CDH11: variants seen among roughly 807,000 people sequenced by gnomAD.
The protein encoded by CDH11 is cadherin-11.
Under a neutral mutation model 67.8 loss-of-function variants are expected in CDH11, and 11 were observed. The ratio of observed to expected loss-of-function variants is 0.16; its 90% confidence interval spans 0.10 to 0.27. The LOEUF (loss-of-function observed/expected upper bound fraction) is 0.27. CDH11 is among the 10% of genes least tolerant of loss of function. CDH11 has a pLI of 1.00. For missense variants in CDH11, 847 were observed against 1,031.2 expected, an observed-to-expected ratio of 0.82 and a Z score of 2.45; for synonymous variants, 419 against 400.0, an observed-to-expected ratio of 1.05 and a Z score of -0.57.
At chr16:65,098,366 T>C (rs969495870) in intron 1 of CDH11, among the ~76,000 whole-genome samples, 2 of 152,158 alleles carry the variant, frequency 1.3e-5, no homozygotes, top group Non-Finnish European at 2.9e-5. Flanking sequence ...TATTCAAATA[T>C]TACTCTAGCA....
intron 11 of CDH11, among the ~76,000 whole-genome samples, chr16:64,962,421 C>T (rs867852895): frequency 1.3e-5 from 2 of 152,092 alleles, no homozygotes; most frequent in African/African-American, 2.4e-5. Flanking sequence ...GAGAATCGAA[C>T]TTACTAGATT....
intron 1 of CDH11, among the ~76,000 whole-genome samples, chr16:65,057,995 G>T (rs1171698934): frequency 6.6e-6 from 1 of 152,178 alleles, no homozygotes; most frequent in African/African-American, 2.4e-5. Context: ...AGCAGTTTGG[G>T]AGGCTGAGGC....
intron 1 of CDH11, among the ~76,000 whole-genome samples, chr16:65,069,700 T>C (rs567955837): frequency 4.6e-5 from 7 of 152,320 alleles, no homozygotes; most frequent in African/African-American, 1.7e-4. Flanking sequence ...TAAATATTGA[T>C]ACCATCAATT....
chr16:64,988,055 G>A (rs564301035), intron 7 of CDH11, 102 bp downstream of exon 7: 8 of 932,186 alleles, frequency 8.6e-6, no homozygotes, highest in South Asian at 7.7e-5. Flanking sequence ...CCCTGGTTTC[G>A]CAAATTCTCA....
chr16:65,000,145 A>G (rs1029401883), intron 3 of CDH11, among the ~76,000 whole-genome samples: 3 of 152,192 alleles, frequency 2.0e-5, no homozygotes, highest in African/African-American at 7.2e-5. Flanking sequence ...ATATTTGCCT[A>G]AATTCACACT....
At chr16:64,968,530 T>C in intron 11 of CDH11, 1 of 985,386 alleles carries the variant, frequency 1.0e-6, no homozygotes, top group Non-Finnish European at 1.2e-6. Flanking sequence ...CATCCAGTGT[T>C]CTATTTTCCT....
chr16:65,117,136 T>C (rs2075257965), intron 1 of CDH11, among the ~76,000 whole-genome samples: 1 of 152,244 alleles, frequency 6.6e-6, no homozygotes, highest in African/African-American at 2.4e-5. Flanking sequence ...CAAAACACTT[T>C]GTCTTACTTT....
chr16:65,078,571 A>T (rs566249105), intron 1 of CDH11, among the ~76,000 whole-genome samples: 1 of 152,342 alleles, frequency 6.6e-6, no homozygotes, highest in Admixed American at 6.5e-5. Context: ...TATTTGCCAG[A>T]ACTTTCCAGA....
intron 1 of CDH11, among the ~76,000 whole-genome samples, chr16:65,108,846 C>G (rs1004329737): frequency 6.6e-6 from 1 of 152,030 alleles, no homozygotes; most frequent in Non-Finnish European, 1.5e-5. Flanking sequence ...GCAGGGATTA[C>G]CACATAGAAA....
At chr16:64,979,616 T>C (rs1489308091) in intron 8 of CDH11, among the ~76,000 whole-genome samples, 1 of 151,456 alleles carries the variant, frequency 6.6e-6, no homozygotes, top group Non-Finnish European at 1.5e-5. Context: ...TCATATATTG[T>C]TGATAAGAAA....
rs949230843 is a variant in CDH11 at position 65,112,045 on chromosome 16, G to T, written c.-298+9835C>A. Among the ~76,000 whole-genome samples the T allele has an allele frequency of 8.8e-5, 13 of 148,356 alleles. No individual in the cohort carries two copies. The Admixed American group carries it at 8.8e-4, about 10-fold the overall frequency. Reference sequence around the variant, plus strand: ...AGATTGCGCCACTGCACTCCAGCCTGGGCAACAGAGGGAGACTCTGTCTCA... The same window carrying T: ...AGATTGCGCCACTGCACTCCAGCCTTGGCAACAGAGGGAGACTCTGTCTCA... On this transcript the variant is annotated intron_variant, in intron 1 of 12. Coordinates refer to ENST00000268603, the MANE Select transcript of CDH11 (RefSeq NM_001797.4).
chr16:65,021,053 A>C (rs2073413199), intron 2 of CDH11, among the ~76,000 whole-genome samples: 1 of 151,982 alleles, frequency 6.6e-6, no homozygotes, highest in Non-Finnish European at 1.5e-5. Context: ...CTTACCCCTC[A>C]TTGGGAGGTG....
At chr16:65,120,284 C>A (rs1010400251) in intron 1 of CDH11, among the ~76,000 whole-genome samples, 6 of 152,128 alleles carry the variant, frequency 3.9e-5, no homozygotes, top group African/African-American at 1.2e-4. Context: ...GCTACAGGAT[C>A]CTCGCTCCTG....
intron 2 of CDH11, among the ~76,000 whole-genome samples, chr16:65,050,044 C>A (rs1159926767): frequency 1.3e-5 from 2 of 152,062 alleles, no homozygotes; most frequent in African/African-American, 4.8e-5. Context: ...GGGTGACCTG[C>A]GACCAGCAAT....
At chr16:64,992,150 T>C (rs1449888946) in intron 5 of CDH11, among the ~76,000 whole-genome samples, 1 of 152,224 alleles carries the variant, frequency 6.6e-6, no homozygotes, top group African/African-American at 2.4e-5. Context: ...CATTTGTATT[T>C]ATGTTTTGTT....
chr16:65,040,675 G>A (rs1447721383), intron 2 of CDH11, among the ~76,000 whole-genome samples: 1 of 152,180 alleles, frequency 6.6e-6, no homozygotes. Context: ...CCTGCACGTT[G>A]TGCACATGTA....
At position 65,011,097 on chromosome 16, in the gene CDH11, T is replaced by TTATA. The variant is rs891381501; in HGVS notation, c.-172-6060_-172-6057dup. ...ATGTATATATACACACACATATTTT[T>TTATA]TATATATATATATATACATACACAC... is the stretch of plus-strand genomic sequence containing the variant. On this transcript the variant is annotated intron_variant, in intron 2 of 12. Transcript: ENST00000268603. Among the ~76,000 whole-genome samples, 37 of 114,852 alleles carry TTATA rather than the reference T, an allele frequency of 3.2e-4. 1 individual carries two copies. Among genetic ancestry groups the TTATA allele is most frequent in the Admixed American group, 8.5e-4 (8 of 9,388 alleles). The allele number at this position is 114,852 out of a possible 152,430, so 75.3% of individuals were successfully genotyped here. A position where few individuals can be genotyped will look rare whatever the true frequency, so the allele number is the denominator to read the frequency against.
rs2071233329 is a variant in CDH11, at chr16:64,947,767, A to T, written c.2227T>A (p.Tyr743Asn). The change falls in exon 13 of 13, where the codon TAC becomes AAC. Residue 743 changes from tyrosine (Y) to asparagine (N), a missense_variant. By Grantham distance (143) the Tyr-to-Asn change is moderately radical. Around this residue, in one of 2 missense-constraint regions of CDH11, gnomAD observed 612 missense variants for 678.7 expected, o/e 0.90. Transcript: ENST00000268603. ...TAPPYDSIQI[Y>N]GYEGRGSVAG... Reference sequence around the variant, plus strand: ...ACTGAGCCCCTGCCTTCATAACCGTAGATTTGAATGGAGTCATAAGGAGGA... The same window carrying T: ...ACTGAGCCCCTGCCTTCATAACCGTTGATTTGAATGGAGTCATAAGGAGGA... 6.2e-7 allele frequency: 1 copy of T among 1,614,010 alleles called. No homozygotes were observed. Among genetic ancestry groups the T allele is most frequent in the Admixed American group, 1.7e-5 (1 of 59,998 alleles).
chr16:65,041,181 C>T (rs989309744), intron 2 of CDH11, among the ~76,000 whole-genome samples: 3 of 152,160 alleles, frequency 2.0e-5, no homozygotes, highest in South Asian at 2.1e-4. Flanking sequence ...CCCAAATAGA[C>T]AGTATGTTCT....
Sources: gnomAD v4.1 joint callset for allele counts (sites outside exome capture counted in the v4.1 genomes callset) on GRCh38, gnomAD v4.1.1 for gene constraint, gnomAD v4.1.1 regional missense constraint, MANE v1.5 for transcripts, NCBI Gene and HGNC (gene_info 2026-07-23, HGNC 2026-07-21) for gene names.